The following UACA variants were observed in gnomAD, a reference collection of about 807,000 sequenced individuals.
UACA encodes the protein uveal autoantigen with coiled-coil domains and ankyrin repeats, also known as nuclear membrane binding protein.
UACA carries 112 observed loss-of-function variants against 160.5 expected under a neutral mutation model. The observed-to-expected ratio is 0.70, with a 90% CI of 0.60 to 0.82. The LOEUF (loss-of-function observed/expected upper bound fraction) is 0.82, where lower values mean the gene tolerates loss of function less well. Ranked by LOEUF, UACA falls within the 40% of genes least tolerant of loss-of-function variation. The pLI, the probability that UACA is intolerant of heterozygous loss-of-function variation, is 0.00. For missense variants in UACA, 1,574 were observed against 1,614.6 expected, an observed-to-expected ratio of 0.97 and a Z score of 0.43; for synonymous variants, 557 against 568.4, an observed-to-expected ratio of 0.98 and a Z score of 0.29.
chr15:70,749,698 C>CAAAAAAAAAAAAAAAAAAAAAA (rs11292883), intron 1 of UACA, among the ~76,000 whole-genome samples: 9 of 70,046 alleles, frequency 1.3e-4, no homozygotes, highest in African/African-American at 4.2e-4. Flanking sequence ...GACTCCGTCT[C>CAAAAAAAAAAAAAAAAAAAAAA]AAAAAAAAAA....
At position 70,667,513 on chromosome 15, in the gene UACA, CATTTCATGAG is replaced by C; in HGVS notation, c.3161_3170del (p.Ser1054TrpfsTer5). 6.2e-7 allele frequency: 1 copy of C among 1,612,628 alleles called. No individual in the cohort carries two copies. On this transcript the variant is annotated frameshift_variant, in exon 16 of 19. Transcript: ENST00000322954. LOFTEE classifies it high-confidence loss of function. ...CTGTTTTTCTGCTTAATGCTCTTTC[CATTTCATGAG>C]ACTTCTCAATGAGAACTGTCTTATC...
chr15:70,667,447 G>T lies in UACA; in HGVS notation c.3237C>A (p.Tyr1079Ter), dbSNP rs768549664. The change falls in exon 16 of 19, where the codon TAC becomes TAA. Residue 1079 changes from tyrosine to a stop codon, truncating the protein, a stop_gained. Transcript: ENST00000322954. LOFTEE classifies it high-confidence loss of function. ...NKQLKDLSQK[Y>*]TEVKNVKEKL... ...TCTCTTTCACATTCTTTACTTCCGT[G>T]TATTTCTGTGACAAGTCTTTTAACT... 6.8e-6 allele frequency: 11 copies of T among 1,609,834 alleles called. No homozygotes were observed. Among genetic ancestry groups the T allele is most frequent in the Non-Finnish European group, 5.9e-6 (7 of 1,179,558 alleles).
At chr15:70,774,721 T>G in the UACA span, among the ~76,000 whole-genome samples, 2 of 151,972 alleles carry the variant, frequency 1.3e-5, no homozygotes, top group Admixed American at 1.3e-4. Context: ...AAACCAAGAC[T>G]TGATTAAAAT....
chr15:70,669,234 C>T lies in UACA; in HGVS notation c.1450G>A (p.Val484Ile), dbSNP rs539534982. ...CKALALECER[V>I]KEDSDEQIKQ... ...ATCTGTTCATCTGAATCCTCCTTGA[C>T]CCTTTCACATTCTAATGCTAAAGCT... Residue 484 changes from valine to isoleucine, a missense_variant, in exon 16 of 19, where the codon GTC (valine) becomes ATC (isoleucine). Val to Ile is a conservative substitution (Grantham distance 29, BLOSUM62 3). Transcript: ENST00000322954. 2.8e-5 allele frequency: 45 copies of T among 1,613,924 alleles called. No individual in the cohort carries two copies. The highest frequency in any genetic ancestry group is 3.5e-5 in the Non-Finnish European group (41 of 1,179,986).
At chr15:70,688,047 G>A (rs1897792872) in intron 5 of UACA, among the ~76,000 whole-genome samples, 1 of 152,146 alleles carries the variant, frequency 6.6e-6, no homozygotes, top group Non-Finnish European at 1.5e-5. Context: ...CGTCAACCTT[G>A]TAGAAGACAA....
Position 70,667,458 on chromosome 15 carries a change from A to G in UACA, c.3226T>C (p.Ser1076Pro). The change falls in exon 16 of 19, where the codon TCA becomes CCA. Residue 1076 changes from serine to proline, a missense_variant. Physicochemically the swap from Ser to Pro is moderately conservative, Grantham distance 74. Transcript: ENST00000322954. ...TTCTTTACTTCCGTGTATTTCTGTG[A>G]CAAGTCTTTTAACTGTTTGTTTAGC... ...DELNKQLKDL[S>P]QKYTEVKNVK... 1 of 1,609,878 alleles carries G rather than the reference A, an allele frequency of 6.2e-7. No individual in the cohort carries two copies. Among genetic ancestry groups the G allele is most frequent in the Non-Finnish European group, 8.5e-7 (1 of 1,179,508 alleles).
intron 18 of UACA, among the ~76,000 whole-genome samples, chr15:70,657,863 C>T (rs1896538260): frequency 6.6e-6 from 1 of 151,320 alleles, no homozygotes; most frequent in African/African-American, 2.4e-5. Context: ...GGGAGGATCA[C>T]TTGAGGCCAG....
In UACA at chr15:70,735,400, T is replaced by C. The variant is rs572936367; in HGVS notation, c.78+27930A>G. On this transcript the variant is annotated intron_variant, in intron 1 of 18. Coordinates refer to ENST00000322954, the MANE Select transcript of UACA (RefSeq NM_018003.4). ...AAACACCATTCTAAATCTAAATCCA[T>C]CTCTAAAAGTGTTGTCTAGGAATAT... is the stretch of plus-strand genomic sequence containing the variant. 2.6e-4 allele frequency among the ~76,000 whole-genome samples: 39 copies of C among 151,844 alleles called. No homozygotes were observed. In the South Asian group the frequency reaches 7.9e-3, roughly 31 times the overall value.
intron 1 of UACA, chr15:70,702,349 G>C: frequency 2.0e-6 from 2 of 984,304 alleles, no homozygotes; most frequent in Non-Finnish European, 2.4e-6. Flanking sequence ...ACAGCGTGGA[G>C]CCTGTCTCCC....
intron 1 of UACA, among the ~76,000 whole-genome samples, chr15:70,762,329 G>A (rs1358425307): frequency 6.6e-6 from 1 of 152,260 alleles, no homozygotes; most frequent in East Asian, 1.9e-4. Context: ...TAAAATCTGC[G>A]TTGAATTGTA....
intron 1 of UACA, among the ~76,000 whole-genome samples, chr15:70,750,237 C>G (rs1223410921): frequency 6.6e-6 from 1 of 152,196 alleles, no homozygotes; most frequent in African/African-American, 2.4e-5. Context: ...AATCCATCCT[C>G]AACAGAGCTA....
chr15:70,762,361 A>G (rs2030814522), intron 1 of UACA, among the ~76,000 whole-genome samples: 1 of 152,240 alleles, frequency 6.6e-6, no homozygotes, highest in Admixed American at 6.5e-5. Context: ...TAATTACCCC[A>G]ACTAGGTAAC....
chr15:70,718,397 T>A (rs1898892692), intron 1 of UACA, among the ~76,000 whole-genome samples: 1 of 146,050 alleles, frequency 6.8e-6, no homozygotes, highest in East Asian at 2.1e-4. Context: ...CCCTAGGTTA[T>A]TGCTTTGGGG....
intron 1 of UACA, among the ~76,000 whole-genome samples, chr15:70,715,313 C>T (rs1269210730): frequency 6.6e-6 from 1 of 152,034 alleles, no homozygotes. Context: ...TTTTAGAAAG[C>T]TATGTTTATT....
At chr15:70,714,727 T>C (rs1898777387) in intron 1 of UACA, among the ~76,000 whole-genome samples, 1 of 152,190 alleles carries the variant, frequency 6.6e-6, no homozygotes, top group African/African-American at 2.4e-5. Flanking sequence ...TTGCCAAGAT[T>C]TCCTAACCAC....
chr15:70,699,509 A>G lies in UACA; in HGVS notation c.212+18T>C, dbSNP rs1434310471. 1 of 1,607,610 alleles carries G rather than the reference A, an allele frequency of 6.2e-7. No individual in the cohort carries two copies. Among genetic ancestry groups the G allele is most frequent in the Admixed American group, 1.7e-5 (1 of 59,638 alleles). On this transcript the variant is annotated intron_variant, in intron 2 of 18. Transcript: ENST00000322954. The stretch of plus-strand genomic sequence containing the variant: ...CCAAATTCCCTTCAGACATGCTTTT[A>G]TCATCAATAATACTTACACAGATCT...
intron 1 of UACA, chr15:70,701,901 C>G: frequency 1.2e-6 from 2 of 1,613,412 alleles, no homozygotes; most frequent in Non-Finnish European, 1.7e-6. Context: ...TACAAGAAAA[C>G]CAACAGTTCA....
At chr15:70,745,132 T>C (rs1250043264) in intron 1 of UACA, among the ~76,000 whole-genome samples, 1 of 151,836 alleles carries the variant, frequency 6.6e-6, no homozygotes, top group Non-Finnish European at 1.5e-5. Context: ...CTGAAGGAAA[T>C]AAGAGAGGAC....
At chr15:70,677,029 C>A in intron 12 of UACA, 79 bp downstream of exon 12, 1 of 1,082,200 alleles carries the variant, frequency 9.2e-7, no homozygotes. Flanking sequence ...TATCTCAATT[C>A]AGGACTTAAA....
Sources: gnomAD v4.1 joint callset for allele counts (sites outside exome capture counted in the v4.1 genomes callset) on GRCh38, gnomAD v4.1.1 for gene constraint, MANE v1.5 for transcripts, NCBI Gene and HGNC (gene_info 2026-07-23, HGNC 2026-07-21) for gene names.